Variants in C3orf70 observed in about 807,000 individuals in gnomAD.
C3orf70 encodes UPF0524 protein C3orf70.
C3orf70 carries 15 observed loss-of-function variants against 20.7 expected under a neutral mutation model. That is an observed-to-expected ratio of 0.72 (90% CI 0.48 to 1.11). The LOEUF (loss-of-function observed/expected upper bound fraction) is 1.11. C3orf70 is among the 50% of genes most tolerant of loss of function. The pLI is 0.00. For synonymous variants in C3orf70, 161 were observed against 125.7 expected, an observed-to-expected ratio of 1.28 and a Z score of -1.88; for missense variants, 332 against 317.6, an observed-to-expected ratio of 1.05 and a Z score of -0.34.
intron 1 of C3orf70, among the ~76,000 whole-genome samples, chr3:185,107,036 C>A (rs1163582214): frequency 6.6e-6 from 1 of 152,128 alleles, no homozygotes; most frequent in African/African-American, 2.4e-5. Flanking sequence ...ATAAACAAGA[C>A]AAAGCAGCTT....
intron 1 of C3orf70, among the ~76,000 whole-genome samples, chr3:185,085,425 A>G (rs1715439617): frequency 2.0e-5 from 3 of 152,136 alleles, no homozygotes; most frequent in Admixed American, 6.5e-5. Context: ...CTCAGGTACC[A>G]CAATTTCTTT....
chr3:185,139,762 C>A (rs1716713325), intron 1 of C3orf70, among the ~76,000 whole-genome samples: 1 of 151,988 alleles, frequency 6.6e-6, no homozygotes, highest in Non-Finnish European at 1.5e-5. Flanking sequence ...GGTGCTGGAG[C>A]AACTGGACAT....
intron 1 of C3orf70, among the ~76,000 whole-genome samples, chr3:185,088,544 ATAATC>A (rs1715503771): frequency 6.6e-6 from 1 of 152,146 alleles, no homozygotes; most frequent in Admixed American, 6.5e-5. Flanking sequence ...TTCAAAATGT[ATAATC>A]TAAAACAACA....
At chr3:185,139,756 C>T (rs952375513) in intron 1 of C3orf70, among the ~76,000 whole-genome samples, 110 of 152,132 alleles carry the variant, frequency 7.2e-4, no homozygotes, top group African/African-American at 2.6e-3. Context: ...ACAAATGGTG[C>T]TGGAGCAACT....
chr3:185,129,571 T>C (rs1716487272), intron 1 of C3orf70, among the ~76,000 whole-genome samples: 1 of 152,230 alleles, frequency 6.6e-6, no homozygotes, highest in African/African-American at 2.4e-5. Flanking sequence ...TTTGGGTATA[T>C]ACCCAATGGT....
In C3orf70 at chr3:185,077,175, G is replaced by A. The variant is rs1199275187; in HGVS notation, c.*5832C>T. 2.6e-5 allele frequency among the ~76,000 whole-genome samples: 4 copies of A among 152,106 alleles called. No homozygotes were observed. The highest frequency in any genetic ancestry group is 4.4e-5 in the Non-Finnish European group (3 of 68,018). The stretch of plus-strand genomic sequence containing the variant: ...GGAGGACAGAGAAGGGGACAAAGAG[G>A]GAAGCCTGTCAGTGTTTCTCCTCCA... On this transcript the variant is annotated 3_prime_UTR_variant, in exon 2 of 2. Transcript: ENST00000335012.
In C3orf70 at chr3:185,118,109, C is replaced by T. The variant is rs189583990; in HGVS notation, c.196+34519G>A. Among the ~76,000 whole-genome samples the T allele has an allele frequency of 3.3e-3, 508 of 152,264 alleles. 1 individual carries two copies. Among genetic ancestry groups the T allele is most frequent in the Middle Eastern group, 0.014 (4 of 294 alleles). On this transcript the variant is annotated intron_variant, in intron 1 of 1. Coordinates refer to ENST00000335012, the MANE Select transcript of C3orf70 (RefSeq NM_001025266.3). ...GCAGGAGTGTGTCTAGTTCTATGTT[C>T]TAATATGTCCCCAAGGCAGTATTAC... is the stretch of plus-strand genomic sequence containing the variant.
At chr3:185,145,552 A>C (rs1577336169) in intron 1 of C3orf70, among the ~76,000 whole-genome samples, 1 of 152,218 alleles carries the variant, frequency 6.6e-6, no homozygotes, top group South Asian at 2.1e-4. Flanking sequence ...CCCTTCTCTT[A>C]AACTCAGAAA....
At chr3:185,138,977 C>T (rs1183006678) in intron 1 of C3orf70, among the ~76,000 whole-genome samples, 1 of 152,008 alleles carries the variant, frequency 6.6e-6, no homozygotes, top group Non-Finnish European at 1.5e-5. Flanking sequence ...TGGCATACAC[C>T]TGTAGTTCCA....
intron 1 of C3orf70, among the ~76,000 whole-genome samples, chr3:185,091,902 C>CAT (rs1715580868): frequency 2.2e-5 from 2 of 89,558 alleles, no homozygotes; most frequent in African/African-American, 4.0e-5. Flanking sequence ...CACATACACA[C>CAT]ACACACATAC....
At chr3:185,152,148 A>T (rs978582554) in intron 1 of C3orf70, among the ~76,000 whole-genome samples, 3 of 152,168 alleles carry the variant, frequency 2.0e-5, no homozygotes, top group Non-Finnish European at 4.4e-5. Flanking sequence ...ACAATTGGAT[A>T]TCCAAGGGCT....
intron 1 of C3orf70, among the ~76,000 whole-genome samples, chr3:185,096,066 A>G (rs1002046550): frequency 7.9e-5 from 12 of 152,154 alleles, no homozygotes; most frequent in African/African-American, 2.9e-4. Flanking sequence ...CATAATAAAC[A>G]CATTCAAGTA....
chr3:185,113,267 C>A (rs1716109264), intron 1 of C3orf70, among the ~76,000 whole-genome samples: 1 of 119,854 alleles, frequency 8.3e-6, no homozygotes, highest in Non-Finnish European at 1.6e-5. Context: ...AGTGAAACCC[C>A]ATCTCTACTA....
chr3:185,089,423 G>T lies in C3orf70; in HGVS notation c.197-5860C>A, dbSNP rs146212381. Among the ~76,000 whole-genome samples, 39 of 152,156 alleles carry T rather than the reference G, an allele frequency of 2.6e-4. No individual in the cohort carries two copies. The East Asian group carries it at 6.6e-3, about 26-fold the overall frequency. On this transcript the variant is annotated intron_variant, in intron 1 of 1. Transcript: ENST00000335012. ...TTGACTGAAGACTTCTTTACTTTCT[G>T]GCAGTAGAAGACATTACTCGTTTAT...
intron 1 of C3orf70, among the ~76,000 whole-genome samples, chr3:185,093,892 C>G (rs1353814446): frequency 6.6e-6 from 1 of 151,936 alleles, no homozygotes; most frequent in African/African-American, 2.4e-5. Context: ...TCAGGATCCT[C>G]AGGGGATTGG....
intron 1 of C3orf70, 117 bp from the exon 2 acceptor site, chr3:185,083,680 A>C (rs1715402206): frequency 7.7e-6 from 6 of 778,110 alleles, no homozygotes; most frequent in Non-Finnish European, 1.2e-5. Context: ...CCTCAAAAGA[A>C]ACTAGTAATA....
intron 1 of C3orf70, among the ~76,000 whole-genome samples, chr3:185,084,095 G>A (rs1577316222): frequency 6.6e-6 from 1 of 151,914 alleles, no homozygotes; most frequent in Middle Eastern, 3.4e-3. Flanking sequence ...TGAGGCACGA[G>A]AATCCCTTGA....
chr3:185,088,737 A>T (rs1715508074), intron 1 of C3orf70, among the ~76,000 whole-genome samples: 1 of 152,172 alleles, frequency 6.6e-6, no homozygotes, highest in Non-Finnish European at 1.5e-5. Context: ...GGACTGTGCA[A>T]ATATCCTGTT....
chr3:185,097,094 C>T (rs552079728), intron 1 of C3orf70, among the ~76,000 whole-genome samples: 2 of 152,278 alleles, frequency 1.3e-5, no homozygotes, highest in South Asian at 4.1e-4. Flanking sequence ...ATTTAATCCA[C>T]TGTGTGGTTT....
Sources: allele counts gnomAD v4.1 joint callset (sites outside exome capture counted in the v4.1 genomes callset), GRCh38; gene constraint gnomAD v4.1.1; transcripts MANE v1.5; gene names NCBI Gene and HGNC (gene_info 2026-07-23, HGNC 2026-07-21).